HECW2: variants seen among roughly 807,000 people sequenced by gnomAD.
The protein encoded by HECW2 is HECT, C2 and WW domain containing E3 ubiquitin protein ligase 2.
Under a neutral mutation model 175.2 loss-of-function variants are expected in HECW2, and 61 were observed. The ratio of observed to expected loss-of-function variants is 0.35; its 90% CI spans 0.28 to 0.43. The LOEUF is 0.43. HECW2 is among the 20% of genes least tolerant of loss of function. The pLI is 1.00. For synonymous variants in HECW2, 671 were observed against 731.0 expected, an observed-to-expected ratio of 0.92 and a Z score of 1.32; for missense variants, 1,524 against 2,000.5, an observed-to-expected ratio of 0.76 and a Z score of 4.54.
chr2:196,307,214 T>C lies in HECW2; in HGVS notation c.2605A>G (p.Thr869Ala). The C allele has an allele frequency of 6.2e-7, 1 of 1,612,506 alleles. No individual in the cohort carries two copies. Among genetic ancestry groups the C allele is most frequent in the Non-Finnish European group, 8.5e-7 (1 of 1,178,500 alleles). Residue 869 changes from threonine to alanine, a missense_variant, in exon 12 of 29, where the codon ACC (threonine) becomes GCC (alanine). Physicochemically the swap from Thr to Ala is moderately conservative, Grantham distance 58. Coordinates refer to ENST00000644978, the MANE Select transcript of HECW2 (RefSeq NM_001348768.2). ...TCCTCAGGCCTCTCATTGGTCATGG[T>C]TCTGCGGATACTCTGATATCTAAAA... ...LNRRYQSIRR[T>A]MTNERPEENT...
intron 21 of HECW2, among the ~76,000 whole-genome samples, chr2:196,234,627 T>C (rs1688175167): frequency 6.6e-6 from 1 of 152,134 alleles, no homozygotes. Context: ...ATAACTTTAG[T>C]TGCTAGGACT....
intron 8 of HECW2, 170 bp from the exon 9 acceptor site, chr2:196,320,074 G>T: frequency 1.4e-6 from 1 of 718,944 alleles, no homozygotes; most frequent in Non-Finnish European, 2.2e-6. Flanking sequence ...CTGCTAGTCA[G>T]CTTGGCACAG....
intron 1 of HECW2, among the ~76,000 whole-genome samples, chr2:196,450,850 T>C (rs1696326330): frequency 6.6e-6 from 1 of 152,114 alleles, no homozygotes; most frequent in African/African-American, 2.4e-5. Flanking sequence ...ACTGCTGACA[T>C]AAGAAATCAC....
intron 15 of HECW2, among the ~76,000 whole-genome samples, chr2:196,278,133 A>AATATATATATATATATATATATATAT (rs71009094): frequency 1.5e-5 from 1 of 66,548 alleles, no homozygotes; most frequent in Non-Finnish European, 3.3e-5. Context: ...ATAATTAAAA[A>AATATATATATATATATATATATATAT]ATATATATAT....
chr2:196,312,496 G>A (rs1691535241), intron 10 of HECW2, among the ~76,000 whole-genome samples: 1 of 152,124 alleles, frequency 6.6e-6, no homozygotes, highest in Non-Finnish European at 1.5e-5. Context: ...GAACACTCAA[G>A]GAAGTAAAAT....
At chr2:196,292,814 T>A in intron 13 of HECW2, 64 bp from the exon 14 acceptor site, 1 of 1,249,594 alleles carries the variant, frequency 8.0e-7, no homozygotes, top group Non-Finnish European at 1.1e-6. Context: ...CCAGAAATAC[T>A]ACACATGGGT....
intron 1 of HECW2, among the ~76,000 whole-genome samples, chr2:196,533,535 A>C (rs180956334): frequency 1.7e-4 from 26 of 152,208 alleles, no homozygotes; most frequent in Admixed American, 1.6e-3. Context: ...CTTCCCCTTC[A>C]GTTTGCAGGC....
At chr2:196,530,725 A>G (rs1214937387) in intron 1 of HECW2, among the ~76,000 whole-genome samples, 1 of 152,194 alleles carries the variant, frequency 6.6e-6, no homozygotes, top group Non-Finnish European at 1.5e-5. Flanking sequence ...ATTTACTCTT[A>G]CTGGCATTGC....
chr2:196,391,148 T>G (rs1035854915), intron 2 of HECW2, among the ~76,000 whole-genome samples: 1 of 152,114 alleles, frequency 6.6e-6, no homozygotes, highest in Admixed American at 6.6e-5. Flanking sequence ...AACTCCCAGT[T>G]CTAAATATAT....
intron 1 of HECW2, among the ~76,000 whole-genome samples, chr2:196,574,221 G>C (rs1690482366): frequency 6.6e-6 from 1 of 152,142 alleles, no homozygotes; most frequent in African/African-American, 2.4e-5. Flanking sequence ...CTTGAGGTCA[G>C]GAGTTCAAAA....
At chr2:196,304,595 A>C (rs1691191236) in intron 13 of HECW2, among the ~76,000 whole-genome samples, 1 of 152,224 alleles carries the variant, frequency 6.6e-6, no homozygotes, top group South Asian at 2.1e-4. Context: ...GGCATGAACA[A>C]ATGAACAAAA....
At position 196,433,364 on chromosome 2, in the gene HECW2, C is replaced by T. The variant is rs138368780; in HGVS notation, c.60G>A (p.Arg20=). 27 of 1,614,180 alleles carry T rather than the reference C, an allele frequency of 1.7e-5. No individual in the cohort carries two copies. The African/African-American group carries it at 2.5e-4, about 15-fold the overall frequency. ...GGAGGTTCTCTGGGCTCAATGTGTA[C>T]CGCATCTGGGGATTTCGACGCCTCA... ...LFVRRRNPQM[R]YTLSPENLQS... Residue 20 remains arginine, a synonymous_variant, in exon 2 of 29, where the codon CGG becomes CGA. Coordinates refer to ENST00000644978, the MANE Select transcript of HECW2 (RefSeq NM_001348768.2).
chr2:196,455,992 CAGCAT>C (rs1211555806), intron 1 of HECW2, among the ~76,000 whole-genome samples: 1 of 151,842 alleles, frequency 6.6e-6, no homozygotes, highest in Non-Finnish European at 1.5e-5. Flanking sequence ...CGACCTAAAA[CAGCAT>C]ATACATTTGG....
At chr2:196,383,974 G>A (rs1247578786) in intron 2 of HECW2, among the ~76,000 whole-genome samples, 1 of 152,126 alleles carries the variant, frequency 6.6e-6, no homozygotes, top group African/African-American at 2.4e-5. Flanking sequence ...AAATGGCAAT[G>A]GGAATTGTAC....
intron 28 of HECW2, among the ~76,000 whole-genome samples, chr2:196,214,939 C>T (rs1391094460): frequency 6.6e-6 from 1 of 152,068 alleles, no homozygotes; most frequent in Non-Finnish European, 1.5e-5. Flanking sequence ...ATAGGTTTCT[C>T]AAAGTCATCT....
At chr2:196,522,389 G>T (rs1688435443) in intron 1 of HECW2, among the ~76,000 whole-genome samples, 1 of 152,198 alleles carries the variant, frequency 6.6e-6, no homozygotes, top group East Asian at 1.9e-4. Flanking sequence ...CCCTTTGTCA[G>T]ATGAGTAGGT....
intron 1 of HECW2, among the ~76,000 whole-genome samples, chr2:196,532,768 T>C (rs1239451483): frequency 2.6e-5 from 4 of 152,136 alleles, no homozygotes; most frequent in Non-Finnish European, 5.9e-5. Context: ...CATCTATATT[T>C]ATTGCTTATA....
chr2:196,342,157 C>G (rs150419690), intron 3 of HECW2, among the ~76,000 whole-genome samples: 2,804 of 152,066 alleles, frequency 0.018, 44 homozygotes, highest in Non-Finnish European at 0.027. Flanking sequence ...GTAATCCCAG[C>G]ACTTTGGGAG....
At chr2:196,258,575 T>C (rs961875119) in intron 17 of HECW2, among the ~76,000 whole-genome samples, 6 of 152,242 alleles carry the variant, frequency 3.9e-5, no homozygotes, top group African/African-American at 1.4e-4. Context: ...TATTTTGTTA[T>C]AGGTAAATGT....
Sources: allele counts gnomAD v4.1 joint callset (sites outside exome capture counted in the v4.1 genomes callset), GRCh38; gene constraint gnomAD v4.1.1; transcripts MANE v1.5; gene names NCBI Gene and HGNC (gene_info 2026-07-23, HGNC 2026-07-21).